Variants in FOXP1 observed in about 807,000 individuals in gnomAD.
FOXP1 encodes the protein forkhead box protein P1.
A neutral mutation model predicts 98.2 loss-of-function variants in FOXP1; 15 were observed. That is an observed-to-expected ratio of 0.15 (90% CI 0.10 to 0.24). The LOEUF (loss-of-function observed/expected upper bound fraction) is 0.24, where lower values mean the gene tolerates loss of function less well. Ranked by LOEUF, FOXP1 falls within the 10% of genes least tolerant of loss-of-function variation. The pLI, the probability that FOXP1 is intolerant of heterozygous loss-of-function variation, is 1.00. For synonymous variants in FOXP1, 371 were observed against 314.5 expected (o/e 1.18, Z -1.90); for missense variants, 633 against 848.5 (o/e 0.75, Z 3.15).
intron 3 of FOXP1, among the ~76,000 whole-genome samples, chr3:71,446,870 C>T: frequency 6.6e-6 from 1 of 152,206 alleles, no homozygotes; most frequent in Middle Eastern, 3.2e-3. Context: ...TTGTGTATAC[C>T]AGTACATCTA....
intron 4 of FOXP1, among the ~76,000 whole-genome samples, chr3:71,313,057 CTTTTTTTT>C (rs1227506558): frequency 8.4e-6 from 1 of 119,034 alleles, no homozygotes; most frequent in South Asian, 2.8e-4. Flanking sequence ...AACTTTAATT[CTTTTTTTT>C]TTTTTTTTTT....
chr3:71,389,238 C>CGTGG (rs2080838680), intron 3 of FOXP1, among the ~76,000 whole-genome samples: 1 of 3,562 alleles, frequency 2.8e-4, no homozygotes, highest in African/African-American at 1.8e-3. Context: ...CTGTAAGCGG[C>CGTGG]GGGGGGGGGG....
At chr3:71,263,497 G>C (rs2069355864) in intron 5 of FOXP1, among the ~76,000 whole-genome samples, 1 of 152,132 alleles carries the variant, frequency 6.6e-6, no homozygotes. Context: ...TGTATATCAT[G>C]TCCTACAACA....
intron 2 of FOXP1, among the ~76,000 whole-genome samples, chr3:71,549,140 C>T (rs1209095707): frequency 6.6e-6 from 1 of 152,154 alleles, no homozygotes; most frequent in Non-Finnish European, 1.5e-5. Context: ...TTAATATTAA[C>T]TTAATGAGAC....
At chr3:71,503,938 A>C (rs542318271) in intron 2 of FOXP1, among the ~76,000 whole-genome samples, 3 of 152,292 alleles carry the variant, frequency 2.0e-5, no homozygotes, top group African/African-American at 7.2e-5. Flanking sequence ...TCTATCAAGG[A>C]AGAAGACCAA....
intron 5 of FOXP1, among the ~76,000 whole-genome samples, chr3:71,271,838 A>C (rs904816724): frequency 6.6e-6 from 1 of 152,238 alleles, no homozygotes; most frequent in African/African-American, 2.4e-5. Context: ...CTTAAGTCCA[A>C]AGCCATGGAT....
At chr3:71,232,868 ACT>A (rs1160133183) in intron 5 of FOXP1, among the ~76,000 whole-genome samples, 1 of 140,880 alleles carries the variant, frequency 7.1e-6, no homozygotes, top group African/African-American at 2.8e-5. Flanking sequence ...ACAGAGCAAA[ACT>A]CTGTCTCAAA....
chr3:71,131,030 C>T, intron 6 of FOXP1: 1 of 551,684 alleles, frequency 1.8e-6, no homozygotes, highest in Non-Finnish European at 2.3e-6. Flanking sequence ...GTGACATTTA[C>T]ATAGGCAGGA....
chr3:71,529,633 C>A (rs1325480782), intron 2 of FOXP1, among the ~76,000 whole-genome samples: 1 of 152,126 alleles, frequency 6.6e-6, no homozygotes, highest in African/African-American at 2.4e-5. Flanking sequence ...CACCAATAGC[C>A]AATGATTTCA....
intron 6 of FOXP1, among the ~76,000 whole-genome samples, chr3:71,124,485 C>T (rs550912651): frequency 6.6e-6 from 1 of 151,904 alleles, no homozygotes; most frequent in Admixed American, 6.5e-5. Flanking sequence ...ATTTTACCTA[C>T]TCCAAAATAT....
chr3:71,518,107 T>A (rs1362347444), intron 2 of FOXP1, among the ~76,000 whole-genome samples: 1 of 152,210 alleles, frequency 6.6e-6, no homozygotes, highest in Non-Finnish European at 1.5e-5. Flanking sequence ...AAAATCTTGC[T>A]GGACATTTGA....
At chr3:71,570,156 C>T (rs1453373094) in intron 2 of FOXP1, 1 of 152,202 alleles carries the variant, frequency 6.6e-6, no homozygotes. Flanking sequence ...CCCAGTAATA[C>T]TGGGACTCCA....
intron 7 of FOXP1, among the ~76,000 whole-genome samples, chr3:71,055,457 T>C (rs1456964786): frequency 2.6e-5 from 4 of 152,226 alleles, no homozygotes; most frequent in Admixed American, 6.5e-5. Context: ...CAGATGGGCA[T>C]GTCTGAATAT....
chr3:71,254,516 T>C (rs1328069963), intron 5 of FOXP1, among the ~76,000 whole-genome samples: 1 of 152,232 alleles, frequency 6.6e-6, no homozygotes, highest in East Asian at 1.9e-4. Flanking sequence ...TACATATTAA[T>C]GTTCATGATA....
intron 12 of FOXP1, among the ~76,000 whole-genome samples, chr3:71,009,560 T>C (rs530193129): frequency 2.6e-5 from 4 of 152,268 alleles, no homozygotes; most frequent in Non-Finnish European, 5.9e-5. Flanking sequence ...AACAATTTCT[T>C]CGGATATATC....
rs1225969839 is a variant in FOXP1 at position 71,131,421 on chromosome 3, A to AG, written c.181-18785_181-18784insC. On this transcript the variant is annotated intron_variant, in intron 6 of 20. Transcript: ENST00000649528. ...TCAATAACAAAAAAAAAAAAAAAAAAAGGAGGAAGAAAAGGATTCCTTCTG... is the reference window on the plus strand; with the variant it reads ...TCAATAACAAAAAAAAAAAAAAAAAAGAGGAGGAAGAAAAGGATTCCTTCTG... 4.6e-5 allele frequency among the ~76,000 whole-genome samples: 7 copies of AG among 151,786 alleles called. No individual in the cohort carries two copies. The East Asian group carries it at 1.2e-3, about 25-fold the overall frequency.
intron 6 of FOXP1, among the ~76,000 whole-genome samples, chr3:71,141,243 G>C (rs2060053687): frequency 6.9e-6 from 1 of 145,242 alleles, no homozygotes; most frequent in African/African-American, 2.7e-5. Context: ...ATTCCAGCCT[G>C]GTGACAGAGC....
chr3:70,972,094 T>C, intron 18 of FOXP1: 2 of 1,530,782 alleles, frequency 1.3e-6, no homozygotes, highest in Non-Finnish European at 1.7e-6. Context: ...GTTTAAACTC[T>C]TCATCATCAA....
At chr3:71,414,966 G>A (rs1577379917) in intron 3 of FOXP1, among the ~76,000 whole-genome samples, 1 of 152,114 alleles carries the variant, frequency 6.6e-6, no homozygotes, top group Non-Finnish European at 1.5e-5. Flanking sequence ...CCAGCACTTT[G>A]TTTCTGTTGT....
Sources: allele counts gnomAD v4.1 joint callset (sites outside exome capture counted in the v4.1 genomes callset), GRCh38; gene constraint gnomAD v4.1.1; transcripts MANE v1.5; gene names NCBI Gene and HGNC (gene_info 2026-07-23, HGNC 2026-07-21).